The following ERBB4 variants were observed in gnomAD, a reference collection of about 807,000 sequenced individuals.
The protein encoded by ERBB4 is receptor tyrosine-protein kinase erbB-4.
A neutral mutation model predicts 158.0 loss-of-function variants in ERBB4; 42 were observed. The ratio of observed to expected loss-of-function variants is 0.27; its 90% CI spans 0.21 to 0.34. The LOEUF is 0.34. Among genes scored for constraint, ERBB4 ranks in the 10% least tolerant of loss-of-function variants. The pLI is 1.00. For missense variants in ERBB4, 1,333 were observed against 1,624.1 expected (o/e 0.82, Z 3.08); for synonymous variants, 583 against 558.7 (o/e 1.04, Z -0.61).
chr2:211,931,020 A>G (rs1249449080), intron 3 of ERBB4, among the ~76,000 whole-genome samples: 1 of 152,120 alleles, frequency 6.6e-6, no homozygotes, highest in African/African-American at 2.4e-5. Context: ...CAGGGGAACT[A>G]AGAAATTAAG....
At chr2:212,455,347 T>A (rs966818850) in intron 1 of ERBB4, among the ~76,000 whole-genome samples, 1 of 152,162 alleles carries the variant, frequency 6.6e-6, no homozygotes, top group Non-Finnish European at 1.5e-5. Flanking sequence ...TGAATATGCA[T>A]CACCCTCCTA....
intron 20 of ERBB4, among the ~76,000 whole-genome samples, chr2:211,545,655 G>A (rs891952907): frequency 5.9e-5 from 9 of 151,982 alleles, no homozygotes; most frequent in Admixed American, 3.3e-4. Context: ...CAATTTCTAG[G>A]AGTATGGCCC....
chr2:211,901,536 C>T (rs1262944218), intron 3 of ERBB4, among the ~76,000 whole-genome samples: 1 of 152,080 alleles, frequency 6.6e-6, no homozygotes, highest in Non-Finnish European at 1.5e-5. Flanking sequence ...CCAATGACTA[C>T]CGAAGGGTAA....
chr2:211,811,427 C>T (rs896027472), intron 3 of ERBB4, among the ~76,000 whole-genome samples: 1 of 152,170 alleles, frequency 6.6e-6, no homozygotes, highest in South Asian at 2.1e-4. Context: ...CCTGACCTTT[C>T]TCTCTGGCTG....
In ERBB4 at chr2:211,901,327, A is replaced by T. The variant is rs1575345157; in HGVS notation, c.421+46103T>A. ...TTCAATAAATGAGCATTTTAATGTGATAGATTTAAAAAACTGTCTGGTAAG... is the reference window on the plus strand; with the variant it reads ...TTCAATAAATGAGCATTTTAATGTGTTAGATTTAAAAAACTGTCTGGTAAG... On this transcript the variant is annotated intron_variant, in intron 3 of 27. Coordinates refer to ENST00000342788, the MANE Select transcript of ERBB4 (RefSeq NM_005235.3). 3.3e-5 allele frequency among the ~76,000 whole-genome samples: 5 copies of T among 152,302 alleles called. 1 individual carries two copies. The highest frequency in any genetic ancestry group is 3.3e-4 in the Admixed American group (5 of 15,280).
intron 2 of ERBB4, among the ~76,000 whole-genome samples, chr2:212,033,974 T>G (rs186629086): frequency 2.6e-5 from 4 of 151,950 alleles, no homozygotes; most frequent in Non-Finnish European, 5.9e-5. Flanking sequence ...TCATTATGCT[T>G]CCTCATTTAA....
intron 3 of ERBB4, among the ~76,000 whole-genome samples, chr2:211,808,521 G>T (rs2076672957): frequency 6.6e-6 from 1 of 152,104 alleles, no homozygotes; most frequent in African/African-American, 2.4e-5. Flanking sequence ...TGCTGTTTTG[G>T]TTACTATAGC....
At chr2:211,956,019 T>C (rs1046606125) in intron 2 of ERBB4, among the ~76,000 whole-genome samples, 2 of 144,966 alleles carry the variant, frequency 1.4e-5, no homozygotes, top group Non-Finnish European at 3.0e-5. Flanking sequence ...GAAGATTCTA[T>C]CATCTCTAAA....
At chr2:211,513,576 A>C (rs2065943384) in intron 20 of ERBB4, among the ~76,000 whole-genome samples, 1 of 152,062 alleles carries the variant, frequency 6.6e-6, no homozygotes, top group African/African-American at 2.4e-5. Context: ...TTGGCCCTGC[A>C]AGGTGTAATA....
chr2:211,772,876 T>C lies in ERBB4; in HGVS notation c.556+15149A>G, dbSNP rs58014683. Among the ~76,000 whole-genome samples, 80 of 97,192 alleles carry C rather than the reference T, an allele frequency of 8.2e-4. 1 individual carries two copies. The highest frequency in any genetic ancestry group is 3.1e-3 in the African/African-American group (73 of 23,434). 63.8% of individuals were successfully genotyped at this position (97,192 alleles called of 152,430 possible). ...ATATATATATATATATATACACATA[T>C]ATATATATACACACACACACACATA... On this transcript the variant is annotated intron_variant, in intron 4 of 27. Transcript: ENST00000342788.
chr2:211,657,783 C>T lies in ERBB4; in HGVS notation c.1917G>A (p.Thr639=), dbSNP rs772621175. 36 of 1,613,772 alleles carry T rather than the reference C, an allele frequency of 2.2e-5. No homozygotes were observed. Among genetic ancestry groups the T allele is most frequent in the African/African-American group, 5.3e-5 (4 of 74,906 alleles). Residue 639 remains threonine (T), a synonymous_variant, in exon 16 of 28, where the codon ACG becomes ACA. Transcript: ENST00000342788. ...CATGTTGTGGTAAAGTGGAATGGCC[C>T]GTCCATGGGTAGTAAATGCAGTCAT... ...TSHDCIYYPW[T]GHSTLPQHAR... is the part of the protein sequence containing the mutation.
chr2:212,233,963 TTTATTATTATTA>T lies in ERBB4; in HGVS notation c.83-109072_83-109061del, dbSNP rs60130196. Among the ~76,000 whole-genome samples the T allele has an allele frequency of 4.0e-3, 581 of 143,812 alleles. 3 individuals are homozygous for T. Among genetic ancestry groups the T allele is most frequent in the African/African-American group, 8.3e-3 (325 of 39,084 alleles). 94.3% of individuals were successfully genotyped at this position (143,812 alleles called of 152,430 possible). On this transcript the variant is annotated intron_variant, in intron 1 of 27. Transcript: ENST00000342788. Reference sequence around the variant, plus strand: ...TTTTTGTATATGTCTCTTTGCATTATTTATTATTATTATTATTATTATTATTATTATTATTAT... The same window carrying T: ...TTTTTGTATATGTCTCTTTGCATTATTTATTATTATTATTATTATTATTAT...
chr2:212,465,287 T>C (rs1688776368), intron 1 of ERBB4, among the ~76,000 whole-genome samples: 1 of 152,096 alleles, frequency 6.6e-6, no homozygotes, highest in Non-Finnish European at 1.5e-5. Context: ...TAATCAAAAT[T>C]GCTAAAGTTA....
At chr2:212,524,437 T>C (rs1311087125) in intron 1 of ERBB4, among the ~76,000 whole-genome samples, 1 of 151,980 alleles carries the variant, frequency 6.6e-6, no homozygotes, top group Admixed American at 6.6e-5. Context: ...TATCACCACA[T>C]AGATGATAGT....
intron 1 of ERBB4, among the ~76,000 whole-genome samples, chr2:212,473,598 A>C (rs969571410): frequency 6.6e-6 from 1 of 152,124 alleles, no homozygotes; most frequent in African/African-American, 2.4e-5. Flanking sequence ...AAATGTTACT[A>C]ACCATAGAGT....
intron 20 of ERBB4, among the ~76,000 whole-genome samples, chr2:211,522,893 T>G (rs2066226976): frequency 6.6e-6 from 1 of 152,016 alleles, no homozygotes; most frequent in Non-Finnish European, 1.5e-5. Context: ...TTTCATGACT[T>G]GCTTTATTAC....
At chr2:211,415,412 C>A (rs1249495296) in intron 25 of ERBB4, among the ~76,000 whole-genome samples, 1 of 152,178 alleles carries the variant, frequency 6.6e-6, no homozygotes, top group African/African-American at 2.4e-5. Flanking sequence ...AGCCACCGCG[C>A]CCGGCCTGAA....
intron 5 of ERBB4, among the ~76,000 whole-genome samples, chr2:211,740,913 T>G (rs574162493): frequency 1.3e-5 from 2 of 152,318 alleles, no homozygotes; most frequent in African/African-American, 4.8e-5. Context: ...CCCAGCCTAC[T>G]TAATTATTTC....
chr2:211,521,194 C>T (rs1249069940), intron 20 of ERBB4, among the ~76,000 whole-genome samples: 1 of 152,082 alleles, frequency 6.6e-6, no homozygotes, highest in Admixed American at 6.5e-5. Context: ...CCCCTTGCAC[C>T]AAACAGATAG....
Sources: gnomAD v4.1 joint callset for allele counts (sites outside exome capture counted in the v4.1 genomes callset) on GRCh38, gnomAD v4.1.1 for gene constraint, MANE v1.5 for transcripts, NCBI Gene and HGNC (gene_info 2026-07-23, HGNC 2026-07-21) for gene names.